CAMTA1: variants seen among roughly 807,000 people sequenced by gnomAD.
The protein encoded by CAMTA1 is calmodulin binding transcription activator 1, also known as calmodulin-binding transcription activator 1.
CAMTA1 carries 27 observed loss-of-function variants against 170.9 expected under a neutral mutation model. The ratio of observed to expected loss-of-function variants is 0.16; its 90% CI spans 0.12 to 0.22. The LOEUF (loss-of-function observed/expected upper bound fraction) is 0.22. Among genes scored for constraint, CAMTA1 ranks in the 10% least tolerant of loss-of-function variants. CAMTA1 has a pLI of 1.00. For missense variants in CAMTA1, 1,619 were observed against 2,217.2 expected, an observed-to-expected ratio of 0.73 and a Z score of 5.42; for synonymous variants, 833 against 891.5, an observed-to-expected ratio of 0.93 and a Z score of 1.17.
chr1:6,907,568 G>A (rs907814160), intron 3 of CAMTA1, among the ~76,000 whole-genome samples: 1 of 152,174 alleles, frequency 6.6e-6, no homozygotes, highest in African/African-American at 2.4e-5. Context: ...GCCAGGCACC[G>A]TTCGGGGCTT....
At chr1:7,691,697 A>G (rs939152484) in intron 11 of CAMTA1, among the ~76,000 whole-genome samples, 4 of 152,172 alleles carry the variant, frequency 2.6e-5, no homozygotes, top group East Asian at 1.9e-4. Flanking sequence ...TGAAAAGTCA[A>G]TGGCAGGTGG....
At chr1:7,450,002 A>G (rs61032551) in intron 5 of CAMTA1, among the ~76,000 whole-genome samples, 49,093 of 151,834 alleles carry the variant, frequency 0.32, 8,350 homozygotes, top group Non-Finnish European at 0.37. Flanking sequence ...TGGCACTGCC[A>G]TCATGTTACC....
intron 11 of CAMTA1, among the ~76,000 whole-genome samples, chr1:7,723,929 C>T (rs775871636): frequency 6.6e-5 from 10 of 152,218 alleles, no homozygotes; most frequent in Non-Finnish European, 1.5e-4. Context: ...AAGTAACTCT[C>T]CTGCCTCAAT....
chr1:7,637,674 C>A (rs1375118641), intron 6 of CAMTA1, among the ~76,000 whole-genome samples: 3 of 152,192 alleles, frequency 2.0e-5, no homozygotes, highest in African/African-American at 7.2e-5. Flanking sequence ...GGACCCGAAC[C>A]TGGAGTCAGA....
At chr1:7,059,556 G>C (rs1008165349) in intron 3 of CAMTA1, among the ~76,000 whole-genome samples, 1 of 152,090 alleles carries the variant, frequency 6.6e-6, no homozygotes, top group Non-Finnish European at 1.5e-5. Context: ...GGAGGTCGAG[G>C]CTGCAGTGAA....
intron 3 of CAMTA1, among the ~76,000 whole-genome samples, chr1:6,977,573 C>T (rs1693678175): frequency 6.6e-6 from 1 of 152,180 alleles, no homozygotes; most frequent in Non-Finnish European, 1.5e-5. Context: ...ATTTCCTGAC[C>T]TTGGGATCCA....
At chr1:7,596,632 C>T (rs1254373392) in intron 6 of CAMTA1, among the ~76,000 whole-genome samples, 1 of 152,222 alleles carries the variant, frequency 6.6e-6, no homozygotes, top group African/African-American at 2.4e-5. Flanking sequence ...CCAGGCTTCT[C>T]AGGGTCACTC....
intron 3 of CAMTA1, among the ~76,000 whole-genome samples, chr1:6,913,966 C>A (rs1221390362): frequency 1.3e-5 from 2 of 152,040 alleles, no homozygotes; most frequent in East Asian, 3.9e-4. Context: ...GCTACAAGGC[C>A]AGCTTCTTCA....
At chr1:7,263,671 G>C (rs749115757) in intron 5 of CAMTA1, among the ~76,000 whole-genome samples, 4 of 152,110 alleles carry the variant, frequency 2.6e-5, no homozygotes, top group South Asian at 4.1e-4. Flanking sequence ...AGATCTATGG[G>C]CTTTCAGTAG....
chr1:7,261,526 G>T (rs901602667), intron 5 of CAMTA1, among the ~76,000 whole-genome samples: 4 of 152,188 alleles, frequency 2.6e-5, no homozygotes, highest in Non-Finnish European at 4.4e-5. Flanking sequence ...ATGTTACCCT[G>T]AACCAATTCA....
intron 5 of CAMTA1, among the ~76,000 whole-genome samples, chr1:7,425,385 TG>T (rs1320383985): frequency 6.6e-6 from 1 of 152,046 alleles, no homozygotes; most frequent in African/African-American, 2.4e-5. Context: ...ACCTAGACCC[TG>T]GGAAAGAGGC....
At chr1:7,203,439 G>T (rs1657062617) in intron 4 of CAMTA1, among the ~76,000 whole-genome samples, 1 of 150,318 alleles carries the variant, frequency 6.7e-6, no homozygotes, top group South Asian at 2.1e-4. Flanking sequence ...TACATATTTG[G>T]TAGAATTCAG....
intron 6 of CAMTA1, among the ~76,000 whole-genome samples, chr1:7,566,964 G>C (rs1033712766): frequency 6.6e-5 from 10 of 152,222 alleles, no homozygotes; most frequent in Admixed American, 2.0e-4. Context: ...ACAAGTGAGC[G>C]TAGCAGATCC....
intron 1 of CAMTA1, among the ~76,000 whole-genome samples, chr1:6,811,398 G>A (rs1645147703): frequency 6.6e-6 from 1 of 152,076 alleles, no homozygotes. Flanking sequence ...ATTTAACACT[G>A]TGATTTGGGT....
intron 5 of CAMTA1, among the ~76,000 whole-genome samples, chr1:7,352,195 G>A (rs1188306969): frequency 2.0e-5 from 3 of 152,036 alleles, no homozygotes; most frequent in African/African-American, 4.8e-5. Flanking sequence ...GGGGAAGAAG[G>A]AAAAGTGAGG....
intron 3 of CAMTA1, among the ~76,000 whole-genome samples, chr1:6,917,207 C>T (rs1680996852): frequency 6.6e-6 from 1 of 151,918 alleles, no homozygotes; most frequent in African/African-American, 2.4e-5. Context: ...CTGTTCATGA[C>T]ACTGGAGGAA....
intron 3 of CAMTA1, among the ~76,000 whole-genome samples, chr1:6,916,888 C>T (rs568719076): frequency 1.3e-5 from 2 of 152,320 alleles, no homozygotes; most frequent in African/African-American, 2.4e-5. Flanking sequence ...CTGAGCTTGC[C>T]GTGAGCTTCC....
Position 7,738,268 on chromosome 1 carries a change from C to T in CAMTA1, c.3968C>T (p.Ser1323Phe), listed in dbSNP as rs1157385528. 6.2e-7 allele frequency: 1 copy of T among 1,614,068 alleles called. No homozygotes were observed. Among genetic ancestry groups the T allele is most frequent in the South Asian group, 1.1e-5 (1 of 91,080 alleles). ...TCTCAGCCTGTAGGAAAGTGGAATT[C>T]CAAAGATCTTTACATTGGTGTGTCT... is the stretch of plus-strand genomic sequence containing the variant. ...SGSQPVGKWN[S>F]KDLYIGVSTV... The change falls in exon 16 of 23, where the codon TCC becomes TTC. Residue 1323 changes from serine (S) to phenylalanine (F), a missense_variant. This residue lies in a region of CAMTA1 where 370 missense variants were observed against 429.4 expected (regional missense o/e 0.86). Transcript: ENST00000303635. This position sits in a 1 kb window ranked among gnomAD's most constrained non-coding sequence, Gnocchi z 4.9.
intron 5 of CAMTA1, among the ~76,000 whole-genome samples, chr1:7,423,694 G>T (rs572485127): frequency 1.3e-5 from 2 of 151,988 alleles, no homozygotes; most frequent in South Asian, 2.1e-4. Flanking sequence ...AATAAAATGC[G>T]CAACGACTTC....
Sources: gnomAD v4.1 joint callset for allele counts (sites outside exome capture counted in the v4.1 genomes callset) on GRCh38, gnomAD v4.1.1 for gene constraint, gnomAD v4.1.1 regional missense constraint, Gnocchi (gnomAD v3.1) non-coding constraint, MANE v1.5 for transcripts, NCBI Gene and HGNC (gene_info 2026-07-23, HGNC 2026-07-21) for gene names.